Variants in ZBTB41 observed in about 807,000 individuals in gnomAD.
ZBTB41 encodes the protein zinc finger and BTB domain containing 41, also known as zinc finger and BTB domain-containing protein 41.
Under a neutral mutation model 87.6 loss-of-function variants are expected in ZBTB41, and 42 were observed. The observed-to-expected ratio is 0.48, with a 90% CI of 0.37 to 0.62. The LOEUF (loss-of-function observed/expected upper bound fraction) is 0.62, where lower values mean the gene tolerates loss of function less well. Among genes scored for constraint, ZBTB41 ranks in the 20% least tolerant of loss-of-function variants. ZBTB41 has a pLI of 0.00. For missense variants in ZBTB41, 799 were observed against 1,078.9 expected (o/e 0.74, Z 3.63); for synonymous variants, 364 against 364.0 (o/e 1.00, Z 0.00).
At chr1:197,198,368 C>G (rs1660218766) in intron 2 of ZBTB41, among the ~76,000 whole-genome samples, 1 of 152,102 alleles carries the variant, frequency 6.6e-6, no homozygotes, top group African/African-American at 2.4e-5. Context: ...AGCAAATGAT[C>G]ACCAATTCCT....
rs375738510 is a variant in ZBTB41, at chr1:197,176,559, T to C, written c.1879+5A>G. 2.4e-5 allele frequency: 38 copies of C among 1,598,866 alleles called. No homozygotes were observed. The highest frequency in any genetic ancestry group is 3.2e-5 in the Non-Finnish European group (37 of 1,168,502). On this transcript the variant is annotated splice_donor_5th_base_variant and intron_variant, in intron 8 of 10. Coordinates refer to ENST00000367405, the MANE Select transcript of ZBTB41 (RefSeq NM_194314.3). ...TTCGAACTAGCATTACAAAATATGG[T>C]ATACCTGAATGTATTTTTTTGTGCT...
rs1214124286 is a variant in ZBTB41 at position 197,196,766 on chromosome 1, C to A, written c.1120+2588G>T. ...TGTTATTTTCACTATGCCTCCCTGA[C>A]CACCTTGAAACCACTCACACTTGAG... is the stretch of plus-strand genomic sequence containing the variant. On this transcript the variant is annotated intron_variant, in intron 2 of 10. Coordinates refer to ENST00000367405, the MANE Select transcript of ZBTB41 (RefSeq NM_194314.3). 1.3e-5 allele frequency among the ~76,000 whole-genome samples: 2 copies of A among 152,318 alleles called. 1 individual carries two copies. Among genetic ancestry groups the A allele is most frequent in the South Asian group, 4.1e-4 (2 of 4,830 alleles).
At chr1:197,180,875 C>T in intron 6 of ZBTB41, 113 bp downstream of exon 6, 3 of 1,170,020 alleles carry the variant, frequency 2.6e-6, no homozygotes, top group Non-Finnish European at 3.5e-6. Flanking sequence ...CAAACTAAAG[C>T]ACAATTCATG....
Position 197,188,459 on chromosome 1 carries a change from A to C in ZBTB41, c.1399-20T>G, listed in dbSNP as rs1300325435. On this transcript the variant is annotated intron_variant, in intron 4 of 10. Transcript: ENST00000367405. ...ACAAATCTAAATTAAAATGCAAACA[A>C]AATGTTAAGAGAACCTGAATTAAAA... 5.1e-6 allele frequency: 8 copies of C among 1,570,576 alleles called. No individual in the cohort carries two copies. Among genetic ancestry groups the C allele is most frequent in the Non-Finnish European group, 6.9e-6 (8 of 1,159,910 alleles).
chr1:197,164,724 T>C (rs376744594), intron 10 of ZBTB41, among the ~76,000 whole-genome samples: 2 of 105,578 alleles, frequency 1.9e-5, no homozygotes, highest in Non-Finnish European at 4.0e-5. Context: ...ATATATATTA[T>C]ATATAATACG....
At chr1:197,163,215 T>A (rs1659240113) in intron 10 of ZBTB41, among the ~76,000 whole-genome samples, 1 of 152,042 alleles carries the variant, frequency 6.6e-6, no homozygotes, top group South Asian at 2.1e-4. Context: ...TGAGAAAAAA[T>A]TTAAATCTAA....
At chr1:197,190,977 A>G in intron 3 of ZBTB41, 146 bp from the exon 4 acceptor site, 1 of 527,638 alleles carries the variant, frequency 1.9e-6, no homozygotes. Flanking sequence ...GCTCTTTAAG[A>G]AGGTATCATT....
chr1:197,188,480 T>A, intron 4 of ZBTB41, 41 bp from the exon 5 acceptor site: 2 of 1,506,520 alleles, frequency 1.3e-6, no homozygotes, highest in Non-Finnish European at 1.8e-6. Flanking sequence ...GAACCTGAAT[T>A]AAAAATTGTA....
In ZBTB41 at chr1:197,156,761, T is replaced by C. The variant is rs531104437; in HGVS notation, c.*2598A>G. 6.6e-6 allele frequency: 1 copy of C among 152,328 alleles called. No homozygotes were observed. The highest frequency in any genetic ancestry group is 1.5e-5 in the Non-Finnish European group (1 of 67,744). The allele number at this position is 152,328 out of a possible 1,614,324, so 9.4% of individuals were successfully genotyped here. A position where few individuals can be genotyped will look rare whatever the true frequency, so the allele number is the denominator to read the frequency against. Reference sequence around the variant, plus strand: ...TTTTTGTTGTTGTTGTTTTCAATCATCCACTGAAACTATTACTTCACCAGA... The same window carrying C: ...TTTTTGTTGTTGTTGTTTTCAATCACCCACTGAAACTATTACTTCACCAGA... On this transcript the variant is annotated 3_prime_UTR_variant, in exon 11 of 11. Coordinates refer to ENST00000367405, the MANE Select transcript of ZBTB41 (RefSeq NM_194314.3).
intron 1 of ZBTB41, 62 bp from the exon 2 acceptor site, chr1:197,200,652 C>T (rs571620929): frequency 2.3e-5 from 11 of 477,664 alleles, no homozygotes; most frequent in African/African-American, 5.9e-5. Context: ...AATCAGCCAA[C>T]GGCAATCATC....
chr1:197,178,362 A>G, intron 7 of ZBTB41, 55 bp downstream of exon 7: 3 of 1,216,340 alleles, frequency 2.5e-6, no homozygotes, highest in Non-Finnish European at 3.5e-6. Flanking sequence ...AATAGAACTA[A>G]AATAGAGATA....
chr1:197,164,744 T>C (rs1477406240), intron 10 of ZBTB41, among the ~76,000 whole-genome samples: 2 of 119,718 alleles, frequency 1.7e-5, no homozygotes, highest in Non-Finnish European at 3.2e-5. Context: ...GTATCTAATA[T>C]ATTATATATA....
At position 197,191,699 on chromosome 1, in the gene ZBTB41, C is replaced by A. The variant is rs1660038530; in HGVS notation, c.1321G>T (p.Val441Phe). 3 of 1,611,012 alleles carry A rather than the reference C, an allele frequency of 1.9e-6. No individual in the cohort carries two copies. Among genetic ancestry groups the A allele is most frequent in the Non-Finnish European group, 2.5e-6 (3 of 1,178,666 alleles). The change falls in exon 3 of 11, where the codon GTT becomes TTT. Residue 441 changes from valine (V) to phenylalanine (F), a missense_variant. By Grantham distance (50) the Val-to-Phe change is conservative. This residue lies in a region of ZBTB41 where 294 missense variants were observed against 340.1 expected (regional missense o/e 0.86). Transcript: ENST00000367405. ...HASKKTLAKHVKRFHPENAQE... is the reference protein window; with the variant it reads ...HASKKTLAKHFKRFHPENAQE... ...AAGCAAGATAATACTTGCCTCTTAA[C>A]ATGCTTGGCTAAAGTCTTCTTGCTT...
chr1:197,199,943 T>C lies in ZBTB41; in HGVS notation c.531A>G (p.Glu177=). The C allele has an allele frequency of 6.2e-7, 1 of 1,613,174 alleles. No homozygotes were observed. Among genetic ancestry groups the C allele is most frequent in the African/African-American group, 1.3e-5 (1 of 75,050 alleles). ...IIDAVKLLNN[E]NVAPFHSELT... is the part of the protein sequence containing the mutation. ...GCTCTGAATGAAAAGGGGCAACATT[T>C]TCGTTATTTAACAACTTCACTGCAT... The change falls in exon 2 of 11, where the codon GAA becomes GAG. Residue 177 remains glutamate (E), a synonymous_variant. Coordinates refer to ENST00000367405, the MANE Select transcript of ZBTB41 (RefSeq NM_194314.3).
chr1:197,167,298 G>T (rs1213053409), intron 10 of ZBTB41, among the ~76,000 whole-genome samples: 3 of 152,062 alleles, frequency 2.0e-5, no homozygotes, highest in Admixed American at 1.3e-4. Context: ...CCGGCTAGGT[G>T]ATCCTCCCGC....
chr1:197,180,985 C>G lies in ZBTB41; in HGVS notation c.1676+3G>C, dbSNP rs1659731903. 1.3e-6 allele frequency: 2 copies of G among 1,587,006 alleles called. No individual in the cohort carries two copies. The highest frequency in any genetic ancestry group is 1.7e-6 in the Non-Finnish European group (2 of 1,173,360). ...TTTTGTGGGTGTGCAGATAATTCTT[C>G]ACCTTTCTCGTACTGATTTTCCACA... On this transcript the variant is annotated splice_donor_region_variant and intron_variant, in intron 6 of 10. Transcript: ENST00000367405.
In ZBTB41 at chr1:197,155,435, A is replaced by G. The variant is rs145402317; in HGVS notation, c.*3924T>C. ...AGCAGAATCAACTCTAAGCAACTAC[A>G]ACACATCGAAAAGGCACAAAGCATT... On this transcript the variant is annotated 3_prime_UTR_variant, in exon 11 of 11. Coordinates refer to ENST00000367405, the MANE Select transcript of ZBTB41 (RefSeq NM_194314.3). 1 of 152,442 alleles carries G rather than the reference A, an allele frequency of 6.6e-6. No individual in the cohort carries two copies. Among genetic ancestry groups the G allele is most frequent in the East Asian group, 1.9e-4 (1 of 5,186 alleles). 9.4% of individuals were successfully genotyped at this position (152,442 alleles called of 1,614,324 possible). A position where few individuals can be genotyped will look rare whatever the true frequency, so the allele number is the denominator to read the frequency against.
At chr1:197,197,486 T>C (rs1163862028) in intron 2 of ZBTB41, among the ~76,000 whole-genome samples, 1 of 145,214 alleles carries the variant, frequency 6.9e-6, no homozygotes, top group Non-Finnish European at 1.5e-5. Flanking sequence ...CAATGTGACC[T>C]ACTGATTCCC....
intron 5 of ZBTB41, among the ~76,000 whole-genome samples, chr1:197,181,449 T>C (rs1022251259): frequency 6.6e-6 from 1 of 152,112 alleles, no homozygotes; most frequent in East Asian, 1.9e-4. Context: ...TAAAAAACTT[T>C]GGAAGAATGA....
Sources: allele counts gnomAD v4.1 joint callset (sites outside exome capture counted in the v4.1 genomes callset), GRCh38; gene constraint gnomAD v4.1.1; regional missense constraint gnomAD v4.1.1; transcripts MANE v1.5; gene names NCBI Gene and HGNC (gene_info 2026-07-23, HGNC 2026-07-21).